STX17: variants seen among roughly 807,000 people sequenced by gnomAD.
STX17 encodes the protein syntaxin 17, also known as syntaxin-17.
STX17 carries 29 observed loss-of-function variants against 35.9 expected under a neutral mutation model. The ratio of observed to expected loss-of-function variants is 0.81; its 90% CI spans 0.60 to 1.10. STX17 has a LOEUF of 1.10. Among genes scored for constraint, STX17 ranks in the 50% least tolerant of loss-of-function variants. The probability of loss-of-function intolerance (pLI) is 0.00; values close to 1 mark genes in which losing one functional copy is unlikely to be tolerated. For missense variants in STX17, 312 were observed against 352.3 expected (o/e 0.89, Z 0.92); for synonymous variants, 92 against 118.3 (o/e 0.78, Z 1.44).
rs1829995103 is a variant in STX17 at position 99,970,158 on chromosome 9, T to C, written c.*1485T>C. On this transcript the variant is annotated 3_prime_UTR_variant, in exon 8 of 8. Transcript: ENST00000259400. ...TCTCTCTGCCAGGAGCTAAGGTTCA[T>C]TAGGGGATTGGATGGTTTATCACTT... is the stretch of plus-strand genomic sequence containing the variant. 6.6e-6 allele frequency: 1 copy of C among 152,190 alleles called. No individual in the cohort carries two copies. Among genetic ancestry groups the C allele is most frequent in the African/African-American group, 2.4e-5 (1 of 41,440 alleles). The allele number at this position is 152,190 out of a possible 1,614,324, so 9.4% of individuals were successfully genotyped here.
chr9:99,956,445 T>A (rs577108713), intron 4 of STX17, among the ~76,000 whole-genome samples: 6 of 152,142 alleles, frequency 3.9e-5, no homozygotes, highest in Non-Finnish European at 7.4e-5. Context: ...AATAATGAAG[T>A]TATCATTATT....
chr9:99,915,191 A>C lies in STX17; in HGVS notation c.-49A>C. On this transcript the variant is annotated 5_prime_UTR_variant, in exon 2 of 8. Transcript: ENST00000259400. ...TTTTTCTTTTAGGTTTTTCTATATGAGTGGAGAAGACAGCTGTTACCAGGG... is the reference window on the plus strand; with the variant it reads ...TTTTTCTTTTAGGTTTTTCTATATGCGTGGAGAAGACAGCTGTTACCAGGG... 6.4e-7 allele frequency: 1 copy of C among 1,556,196 alleles called. No individual in the cohort carries two copies. Among genetic ancestry groups the C allele is most frequent in the Non-Finnish European group, 8.7e-7 (1 of 1,155,678 alleles).
chr9:99,950,707 A>G (rs1273642672), intron 3 of STX17, among the ~76,000 whole-genome samples: 1 of 152,010 alleles, frequency 6.6e-6, no homozygotes, highest in Non-Finnish European at 1.5e-5. Context: ...ATGAGCCGTG[A>G]GAAATGTGTG....
At position 99,951,243 on chromosome 9, in the gene STX17, A is replaced by G; in HGVS notation, c.373A>G (p.Thr125Ala). The G allele has an allele frequency of 6.2e-7, 1 of 1,612,942 alleles. No individual in the cohort carries two copies. ...ELKKQFNDEE[T>A]LLQPPLTRSM... ...TAAGAAGCAATTTAATGATGAAGAAACTTTGCTACAGCCTCCTTTGACCAG... is the reference window on the plus strand; with the variant it reads ...TAAGAAGCAATTTAATGATGAAGAAGCTTTGCTACAGCCTCCTTTGACCAG... Residue 125 changes from threonine (T) to alanine (A), a missense_variant, in exon 4 of 8, where the codon ACT (threonine) becomes GCT (alanine). Thr to Ala is a moderately conservative substitution (Grantham distance 58, BLOSUM62 0). Coordinates refer to ENST00000259400, the MANE Select transcript of STX17 (RefSeq NM_017919.3).
chr9:99,949,200 A>G (rs749249813), intron 3 of STX17, among the ~76,000 whole-genome samples: 45 of 152,202 alleles, frequency 3.0e-4, no homozygotes, highest in South Asian at 8.3e-4. Context: ...TACATTTCAC[A>G]TATTTTGAAT....
rs1830020645 is a variant in STX17 at position 99,971,820 on chromosome 9, A to G, written c.*3147A>G. 6.7e-6 allele frequency among the ~76,000 whole-genome samples: 1 copy of G among 150,302 alleles called. No individual in the cohort carries two copies. Among genetic ancestry groups the G allele is most frequent in the Non-Finnish European group, 1.5e-5 (1 of 67,694 alleles). On this transcript the variant is annotated 3_prime_UTR_variant, in exon 8 of 8. Coordinates refer to ENST00000259400, the MANE Select transcript of STX17 (RefSeq NM_017919.3). ...AGGATCACTTGAGCCCAGGAGTTTG[A>G]GACCAGCCTGGGCAACATAGTGAGA... is the stretch of plus-strand genomic sequence containing the variant.
intron 3 of STX17, among the ~76,000 whole-genome samples, chr9:99,940,732 C>G (rs1050349109): frequency 6.6e-6 from 1 of 152,186 alleles, no homozygotes; most frequent in Non-Finnish European, 1.5e-5. Context: ...CCGCCTGACT[C>G]AGCCTCCCAA....
At chr9:99,967,805 C>A (rs184171370) in intron 7 of STX17, 66 bp downstream of exon 7, 7 of 1,350,498 alleles carry the variant, frequency 5.2e-6, no homozygotes, top group African/African-American at 1.4e-5. Context: ...AGTATTAACC[C>A]AATTGATCTG....
chr9:99,918,339 C>G (rs749416376), intron 2 of STX17, among the ~76,000 whole-genome samples: 3 of 152,086 alleles, frequency 2.0e-5, no homozygotes, highest in Non-Finnish European at 2.9e-5. Flanking sequence ...CTATGCTGCC[C>G]AGGCCTATCT....
intron 6 of STX17, among the ~76,000 whole-genome samples, chr9:99,960,628 A>G (rs748654866): frequency 6.6e-6 from 1 of 151,758 alleles, no homozygotes; most frequent in Non-Finnish European, 1.5e-5. Flanking sequence ...ATTTTTAGTG[A>G]AGACGGGGTT....
chr9:99,943,988 A>G (rs1360268569), intron 3 of STX17, among the ~76,000 whole-genome samples: 1 of 152,072 alleles, frequency 6.6e-6, no homozygotes, highest in Non-Finnish European at 1.5e-5. Context: ...TTCAAAATAT[A>G]CATTTAATTT....
intron 6 of STX17, among the ~76,000 whole-genome samples, chr9:99,966,868 CA>C (rs998416295): frequency 1.3e-5 from 2 of 152,200 alleles, no homozygotes; most frequent in African/African-American, 4.8e-5. Context: ...AACCACTTGT[CA>C]GGAATGTTAC....
intron 4 of STX17, 145 bp from the exon 5 acceptor site, chr9:99,959,772 T>C: frequency 1.4e-6 from 1 of 691,058 alleles, no homozygotes; most frequent in Non-Finnish European, 2.5e-6. Context: ...AACAATTCTA[T>C]TTTTGTAGAA....
chr9:99,933,349 C>G (rs761370666), intron 3 of STX17, among the ~76,000 whole-genome samples: 1 of 152,108 alleles, frequency 6.6e-6, no homozygotes, highest in Non-Finnish European at 1.5e-5. Context: ...AGCTTGATAT[C>G]TGATTGTACA....
chr9:99,930,103 G>A (rs1299797275), intron 3 of STX17, among the ~76,000 whole-genome samples: 1 of 150,522 alleles, frequency 6.6e-6, no homozygotes, highest in African/African-American at 2.4e-5. Context: ...AGTTGAGATA[G>A]GGTTTCACCA....
chr9:99,958,719 A>T lies in STX17; in HGVS notation c.416-1198A>T, dbSNP rs138703423. ...TCTGCAGCACCTCAGCACACTGATCAGCAGGTAGTAGGCATTTAATAAATG... is the reference window on the plus strand; with the variant it reads ...TCTGCAGCACCTCAGCACACTGATCTGCAGGTAGTAGGCATTTAATAAATG... On this transcript the variant is annotated intron_variant, in intron 4 of 7. Transcript: ENST00000259400. 2.2e-4 allele frequency among the ~76,000 whole-genome samples: 34 copies of T among 152,348 alleles called. No individual in the cohort carries two copies. The East Asian group carries it at 6.6e-3, about 29-fold the overall frequency.
chr9:99,926,934 T>C (rs1828997787), intron 2 of STX17, among the ~76,000 whole-genome samples: 1 of 152,276 alleles, frequency 6.6e-6, no homozygotes, highest in African/African-American at 2.4e-5. Context: ...CCACTCTGAC[T>C]TGTGGTCACA....
rs764805870 is a variant in STX17 at position 99,945,775 on chromosome 9, T to A, written c.190-5285T>A. On this transcript the variant is annotated intron_variant, in intron 3 of 7. Transcript: ENST00000259400. ...ATTTCATCAACTGTGGAACAAAAAT[T>A]TTTTTTTTTTAAATGGACAGTTGCG... 20 of 382,626 alleles carry A rather than the reference T, an allele frequency of 5.2e-5. 1 individual carries two copies. The highest frequency in any genetic ancestry group is 3.7e-4 in the South Asian group (19 of 51,684). The allele number at this position is 382,626 out of a possible 1,614,324, so 23.7% of individuals were successfully genotyped here. A position where few individuals can be genotyped will look rare whatever the true frequency, so the allele number is the denominator to read the frequency against.
At chr9:99,941,485 C>T (rs772353874) in intron 3 of STX17, among the ~76,000 whole-genome samples, 6 of 152,016 alleles carry the variant, frequency 3.9e-5, no homozygotes, top group South Asian at 2.1e-4. Context: ...ATATAATTTA[C>T]GTATTCTAAA....
Sources: gnomAD v4.1 joint callset for allele counts (sites outside exome capture counted in the v4.1 genomes callset) on GRCh38, gnomAD v4.1.1 for gene constraint, MANE v1.5 for transcripts, NCBI Gene and HGNC (gene_info 2026-07-23, HGNC 2026-07-21) for gene names.